The following PDE10A variants were observed in gnomAD, a reference collection of about 807,000 sequenced individuals.
PDE10A encodes the protein cAMP and cAMP-inhibited cGMP 3',5'-cyclic phosphodiesterase 10A.
A neutral mutation model predicts 97.7 loss-of-function variants in PDE10A; 39 were observed. That is an observed-to-expected ratio of 0.40 (90% CI 0.31 to 0.52). The LOEUF is 0.52. Among genes scored for constraint, PDE10A ranks in the 20% least tolerant of loss-of-function variants. PDE10A has a pLI of 0.56. For synonymous variants in PDE10A, 371 were observed against 376.8 expected, an observed-to-expected ratio of 0.98 and a Z score of 0.18; for missense variants, 731 against 1,047.8, an observed-to-expected ratio of 0.70 and a Z score of 4.17.
chr6:165,763,161 T>G (rs1583052935), intron 1 of PDE10A, among the ~76,000 whole-genome samples: 1 of 152,196 alleles, frequency 6.6e-6, no homozygotes, highest in African/African-American at 2.4e-5. Flanking sequence ...CTGGTGTCTG[T>G]GTCTGCGTGT....
At chr6:165,808,425 G>A (rs149907201) in intron 1 of PDE10A, among the ~76,000 whole-genome samples, 1 of 152,320 alleles carries the variant, frequency 6.6e-6, no homozygotes, top group East Asian at 1.9e-4. Flanking sequence ...TGGCCAGGGA[G>A]CGTGGTGACC....
intron 1 of PDE10A, among the ~76,000 whole-genome samples, chr6:165,544,201 C>T (rs1783618507): frequency 1.3e-5 from 2 of 152,096 alleles, no homozygotes; most frequent in Admixed American, 6.5e-5. Flanking sequence ...TGCCTTACAA[C>T]ACAAATCCTT....
Position 165,435,326 on chromosome 6 carries a change from T to C in PDE10A, c.1246A>G (p.Ile416Val), listed in dbSNP as rs1789921747. 6 of 1,613,900 alleles carry C rather than the reference T, an allele frequency of 3.7e-6. No individual in the cohort carries two copies. The Admixed American group carries it at 1.0e-4, about 27-fold the overall frequency. The change falls in exon 6 of 22, where the codon ATC becomes GTC. Residue 416 changes from isoleucine to valine, a missense_variant. Around this residue, in one of 8 missense-constraint regions of PDE10A, gnomAD observed 152 missense variants for 199.3 expected, o/e 0.76. Coordinates refer to ENST00000539869, the MANE Select transcript of PDE10A (RefSeq NM_001385079.1). ...CCCTGAGTGATGGGCCCAGCAGGGA[T>C]GAGGCGGGGTTTTCCTTCCTTTATC... Reference protein sequence around the residue: ...PGIKEGKPRLIPAGPITQGTT... With the variant: ...PGIKEGKPRLVPAGPITQGTT...
At chr6:165,832,870 T>C (rs1779962978) in intron 1 of PDE10A, among the ~76,000 whole-genome samples, 1 of 152,184 alleles carries the variant, frequency 6.6e-6, no homozygotes, top group African/African-American at 2.4e-5. Flanking sequence ...GGTTAACTCC[T>C]CCCTGCAGAA....
intron 1 of PDE10A, among the ~76,000 whole-genome samples, chr6:165,613,484 C>T (rs567253451): frequency 6.6e-6 from 1 of 151,844 alleles, no homozygotes; most frequent in African/African-American, 2.4e-5. Flanking sequence ...TACAAAAATA[C>T]AAAAATTAGC....
intron 1 of PDE10A, among the ~76,000 whole-genome samples, chr6:165,723,005 C>T (rs1380636778): frequency 1.3e-5 from 2 of 152,140 alleles, no homozygotes; most frequent in Non-Finnish European, 2.9e-5. Flanking sequence ...TAATAGAAGT[C>T]CCACTCCATT....
Position 165,723,668 on chromosome 6 carries a change from G to A in PDE10A, c.-614-180100C>T, listed in dbSNP as rs370385137. 4.6e-5 allele frequency among the ~76,000 whole-genome samples: 7 copies of A among 152,262 alleles called. No individual in the cohort carries two copies. In the East Asian group the frequency reaches 1.2e-3, roughly 25 times the overall value. On this transcript the variant is annotated intron_variant, in intron 1 of 19. Coordinates refer to the PDE10A transcript ENST00000366882. ...TAGTTCTGTACTTTAGAAATAGCAGGGAAATGAATAACACCCAGCCTTTTC... is the reference window on the plus strand; with the variant it reads ...TAGTTCTGTACTTTAGAAATAGCAGAGAAATGAATAACACCCAGCCTTTTC...
intron 1 of PDE10A, among the ~76,000 whole-genome samples, chr6:165,863,548 A>T (rs557340538): frequency 6.6e-6 from 1 of 152,298 alleles, no homozygotes; most frequent in South Asian, 2.1e-4. Context: ...AATATAGCAC[A>T]TTCATTTCCT....
chr6:165,816,255 C>T (rs1779408706), intron 1 of PDE10A, among the ~76,000 whole-genome samples: 1 of 152,204 alleles, frequency 6.6e-6, no homozygotes, highest in Non-Finnish European at 1.5e-5. Context: ...GGCCCAGGCT[C>T]ATATTTTCTA....
chr6:165,863,556 C>G (rs1270889968), intron 1 of PDE10A, among the ~76,000 whole-genome samples: 3 of 152,160 alleles, frequency 2.0e-5, no homozygotes, highest in Non-Finnish European at 4.4e-5. Flanking sequence ...ACATTCATTT[C>G]CTTTCTCCCA....
chr6:165,826,526 C>T (rs191954229), intron 1 of PDE10A, among the ~76,000 whole-genome samples: 10 of 128,552 alleles, frequency 7.8e-5, no homozygotes, highest in African/African-American at 1.8e-4. Flanking sequence ...TGTTACTCTG[C>T]CCCTGTGTCC....
At chr6:165,761,299 T>C (rs1793244988) in intron 1 of PDE10A, among the ~76,000 whole-genome samples, 1 of 152,234 alleles carries the variant, frequency 6.6e-6, no homozygotes, top group Non-Finnish European at 1.5e-5. Context: ...ACTATCCTAC[T>C]GTTGATAGAG....
rs1779289170 is a variant in PDE10A at position 165,811,757 on chromosome 6, T to C, written c.-615+175772A>G. ...TTTGTTCTGAGTTGAAATGATCTGG[T>C]GTATCACTCCCTCACCACTTCCGTT... On this transcript the variant is annotated intron_variant, in intron 1 of 19. Coordinates refer to the PDE10A transcript ENST00000366882. 2.0e-5 allele frequency among the ~76,000 whole-genome samples: 3 copies of C among 152,260 alleles called. No individual in the cohort carries two copies. In the South Asian group the frequency reaches 6.2e-4, roughly 32 times the overall value.
At chr6:165,894,762 T>C (rs1781900197) in intron 1 of PDE10A, 1 of 291,168 alleles carries the variant, frequency 3.4e-6, no homozygotes, top group African/African-American at 2.2e-5. Flanking sequence ...GTTATAATAT[T>C]ATGTGATAAT....
chr6:165,376,564 T>C (rs566179983), intron 18 of PDE10A, among the ~76,000 whole-genome samples: 8 of 152,202 alleles, frequency 5.3e-5, no homozygotes, highest in Non-Finnish European at 1.2e-4. Context: ...AGAAATTTTC[T>C]GTGAAAGGAA....
At chr6:165,949,374 G>A (rs1783880189) in intron 1 of PDE10A, 1 of 152,260 alleles carries the variant, frequency 6.6e-6, no homozygotes, top group Non-Finnish European at 1.5e-5. Flanking sequence ...TGCCCTGGAA[G>A]GGGTCGGCAG....
chr6:165,816,666 C>T (rs1779421615), intron 1 of PDE10A, among the ~76,000 whole-genome samples: 1 of 152,230 alleles, frequency 6.6e-6, no homozygotes, highest in Non-Finnish European at 1.5e-5. Context: ...AATAAATACA[C>T]ATAATGCAGT....
At chr6:165,709,595 ATG>A (rs1791839947) in intron 1 of PDE10A, among the ~76,000 whole-genome samples, 1 of 16,766 alleles carries the variant, frequency 6.0e-5, no homozygotes, top group Non-Finnish European at 1.3e-4. Context: ...CTCCACCTCC[ATG>A]CTGCTGTGCT....
chr6:165,769,469 T>C (rs1020725514), intron 1 of PDE10A, among the ~76,000 whole-genome samples: 2 of 152,180 alleles, frequency 1.3e-5, no homozygotes, highest in Admixed American at 6.5e-5. Context: ...GCAATTTGTA[T>C]TGGTGAATTT....
Sources: allele counts gnomAD v4.1 joint callset (sites outside exome capture counted in the v4.1 genomes callset), GRCh38; gene constraint gnomAD v4.1.1; regional missense constraint gnomAD v4.1.1; transcripts MANE v1.5; gene names NCBI Gene and HGNC (gene_info 2026-07-23, HGNC 2026-07-21).